Variants in KIAA1217 observed in about 807,000 individuals in gnomAD.
KIAA1217 encodes KIAA1217, also known as sickle tail protein homolog.
A neutral mutation model predicts 163.9 loss-of-function variants in KIAA1217; 88 were observed. That is an observed-to-expected ratio of 0.54 (90% CI 0.45 to 0.64). The LOEUF (loss-of-function observed/expected upper bound fraction) is 0.64, where lower values mean the gene tolerates loss of function less well. Among genes scored for constraint, KIAA1217 ranks in the 30% least tolerant of loss-of-function variants. The probability of loss-of-function intolerance (pLI) is 0.00; values close to 1 mark genes in which losing one functional copy is unlikely to be tolerated. For synonymous variants in KIAA1217, 903 were observed against 923.1 expected (o/e 0.98, Z 0.39); for missense variants, 2,372 against 2,475.0 (o/e 0.96, Z 0.88).
chr10:24,064,402 G>A (rs1457770375), intron 2 of KIAA1217, among the ~76,000 whole-genome samples: 1 of 152,186 alleles, frequency 6.6e-6, no homozygotes, highest in Admixed American at 6.5e-5. Flanking sequence ...AGATAATCAT[G>A]TGGATTTTGT....
intron 2 of KIAA1217, among the ~76,000 whole-genome samples, chr10:24,227,856 A>G (rs1203103627): frequency 1.3e-5 from 2 of 152,182 alleles, no homozygotes; most frequent in Non-Finnish European, 2.9e-5. Flanking sequence ...AAACAGGGTC[A>G]GTGAGGCCAA....
chr10:24,324,636 CAGGGTGAGAG>C (rs1327567423), intron 2 of KIAA1217, among the ~76,000 whole-genome samples: 5 of 152,092 alleles, frequency 3.3e-5, no homozygotes, highest in Non-Finnish European at 5.9e-5. Flanking sequence ...TAAATTGACC[CAGGGTGAGAG>C]TATTAGTAAG....
At chr10:24,151,680 G>A (rs1294588662) in intron 2 of KIAA1217, among the ~76,000 whole-genome samples, 9 of 151,570 alleles carry the variant, frequency 5.9e-5, no homozygotes, top group African/African-American at 2.2e-4. Context: ...ATCCCTCCCT[G>A]AATTTTGCTG....
chr10:23,897,454 C>T (rs1841756214), intron 1 of KIAA1217, among the ~76,000 whole-genome samples: 1 of 152,058 alleles, frequency 6.6e-6, no homozygotes, highest in Non-Finnish European at 1.5e-5. Flanking sequence ...TTGGTGTTCA[C>T]TGGTATCAGA....
chr10:24,311,025 G>T (rs2042627265), intron 2 of KIAA1217, among the ~76,000 whole-genome samples: 1 of 152,128 alleles, frequency 6.6e-6, no homozygotes, highest in South Asian at 2.1e-4. Flanking sequence ...GCAAAAAAAT[G>T]AAGATTGCCA....
intron 2 of KIAA1217, among the ~76,000 whole-genome samples, chr10:24,244,561 CTTTTTTTTTTTT>C (rs11318420): frequency 1.2e-5 from 1 of 85,314 alleles, no homozygotes; most frequent in African/African-American, 4.5e-5. Flanking sequence ...TTCTTTCTTT[CTTTTTTTTTTTT>C]TTTTTTTTTT....
chr10:23,965,986 G>A (rs530935401), intron 1 of KIAA1217, among the ~76,000 whole-genome samples: 46 of 152,200 alleles, frequency 3.0e-4, no homozygotes, highest in Non-Finnish European at 6.0e-4. Context: ...TGACACCATG[G>A]CATGTCTTAG....
intron 4 of KIAA1217, among the ~76,000 whole-genome samples, chr10:24,436,838 C>G (rs2060085863): frequency 1.4e-5 from 2 of 145,908 alleles, no homozygotes; most frequent in Admixed American, 1.4e-4. Context: ...CTTTAATCTT[C>G]TAAGTTCAGA....
chr10:24,437,172 C>T lies in KIAA1217; in HGVS notation c.753-1214C>T, dbSNP rs1007241275. Among the ~76,000 whole-genome samples the T allele has an allele frequency of 4.6e-5, 7 of 152,280 alleles. No homozygotes were observed. In the East Asian group the frequency reaches 7.7e-4, roughly 17 times the overall value. On this transcript the variant is annotated intron_variant, in intron 4 of 20. Coordinates refer to ENST00000376454, the MANE Select transcript of KIAA1217 (RefSeq NM_019590.5). ...TTCACGTCCTCGCCTGTGACTCCTTCCTCTGGCCAAATGGGGAGCTCCTTT... is the reference window on the plus strand; with the variant it reads ...TTCACGTCCTCGCCTGTGACTCCTTTCTCTGGCCAAATGGGGAGCTCCTTT...
chr10:24,224,871 G>A (rs1323378182), intron 2 of KIAA1217, among the ~76,000 whole-genome samples: 2 of 138,596 alleles, frequency 1.4e-5, no homozygotes, highest in Non-Finnish European at 3.0e-5. Context: ...CTGTCACCCA[G>A]GCTGGAGTGC....
intron 1 of KIAA1217, among the ~76,000 whole-genome samples, chr10:23,808,992 G>A (rs1463914620): frequency 1.3e-5 from 2 of 152,050 alleles, no homozygotes; most frequent in Non-Finnish European, 2.9e-5. Flanking sequence ...AGGACATGAT[G>A]TAAGACAGTA....
intron 2 of KIAA1217, among the ~76,000 whole-genome samples, chr10:24,032,553 C>A (rs1848231767): frequency 6.6e-6 from 1 of 152,072 alleles, no homozygotes; most frequent in Admixed American, 6.6e-5. Flanking sequence ...TGAGTTTTGT[C>A]TGTTTGTTTT....
At chr10:24,309,342 GCGCGCGCGCA>G (rs2042393048) in intron 2 of KIAA1217, among the ~76,000 whole-genome samples, 1 of 57,342 alleles carries the variant, frequency 1.7e-5, no homozygotes, top group Admixed American at 1.3e-4. Flanking sequence ...GCGCGCGCAC[GCGCGCGCGCA>G]CACACACACA....
intron 1 of KIAA1217, among the ~76,000 whole-genome samples, chr10:23,810,687 A>G (rs1437742838): frequency 7.8e-6 from 1 of 128,308 alleles, no homozygotes; most frequent in Non-Finnish European, 1.5e-5. Context: ...TATGCTATAT[A>G]TAGTATACTA....
chr10:23,699,681 C>T (rs1836296843), intron 1 of KIAA1217, among the ~76,000 whole-genome samples: 1 of 152,080 alleles, frequency 6.6e-6, no homozygotes, highest in African/African-American at 2.4e-5. Flanking sequence ...CTGGAGTGCA[C>T]CATTTCAATC....
At chr10:24,070,399 A>G (rs2061140841) in intron 2 of KIAA1217, among the ~76,000 whole-genome samples, 1 of 152,248 alleles carries the variant, frequency 6.6e-6, no homozygotes, top group Non-Finnish European at 1.5e-5. Context: ...GACATAAAAT[A>G]GTAAGAACTA....
chr10:23,856,451 G>A (rs899596088), intron 1 of KIAA1217, among the ~76,000 whole-genome samples: 5 of 152,234 alleles, frequency 3.3e-5, no homozygotes, highest in Non-Finnish European at 7.3e-5. Context: ...TAGGCTGCTC[G>A]GGGGTCAGGG....
chr10:23,765,126 A>G (rs1834443518), intron 1 of KIAA1217, among the ~76,000 whole-genome samples: 1 of 151,292 alleles, frequency 6.6e-6, no homozygotes, highest in Non-Finnish European at 1.5e-5. Context: ...TATGATAAAC[A>G]CCATAGGACT....
intron 1 of KIAA1217, among the ~76,000 whole-genome samples, chr10:23,733,667 A>G (rs1414452): frequency 0.32 from 49,160 of 151,764 alleles, 9,927 homozygotes; most frequent in African/African-American, 0.57. Flanking sequence ...TTGAATCTGC[A>G]TATGCAGAAA....
Sources: allele counts gnomAD v4.1 joint callset (sites outside exome capture counted in the v4.1 genomes callset), GRCh38; gene constraint gnomAD v4.1.1; transcripts MANE v1.5; gene names NCBI Gene and HGNC (gene_info 2026-07-23, HGNC 2026-07-21).